Variants in CTDSPL2 observed in about 807,000 individuals in gnomAD.
CTDSPL2 encodes CTD small phosphatase-like protein 2.
Under a neutral mutation model 60.0 loss-of-function variants are expected in CTDSPL2, and 5 were observed. That is an observed-to-expected ratio of 0.08 (90% confidence interval 0.04 to 0.18). The LOEUF is 0.18. Among genes scored for constraint, CTDSPL2 ranks in the 10% least tolerant of loss-of-function variants. The pLI, the probability that CTDSPL2 is intolerant of heterozygous loss-of-function variation, is 1.00. For missense variants in CTDSPL2, 370 were observed against 548.8 expected (o/e 0.67, Z 3.26); for synonymous variants, 186 against 189.3 (o/e 0.98, Z 0.14).
At chr15:44,518,155 C>A (rs905226060) in intron 10 of CTDSPL2, among the ~76,000 whole-genome samples, 3 of 152,042 alleles carry the variant, frequency 2.0e-5, no homozygotes, top group Non-Finnish European at 4.4e-5. Flanking sequence ...CTTGAAATTG[C>A]ATAATTTAAA....
intron 1 of CTDSPL2, among the ~76,000 whole-genome samples, chr15:44,450,789 C>T (rs1481275938): frequency 6.6e-6 from 1 of 151,032 alleles, no homozygotes; most frequent in Non-Finnish European, 1.5e-5. Flanking sequence ...AGAGAAGGGG[C>T]GTTTCACCAT....
chr15:44,460,271 A>G (rs1370074999), intron 2 of CTDSPL2, among the ~76,000 whole-genome samples: 103 of 151,942 alleles, frequency 6.8e-4, no homozygotes, highest in Non-Finnish European at 1.9e-4. Context: ...CCACCACACC[A>G]GCTAATTTTT....
At chr15:44,469,684 T>C (rs1287957155) in intron 2 of CTDSPL2, among the ~76,000 whole-genome samples, 1 of 152,304 alleles carries the variant, frequency 6.6e-6, no homozygotes, top group African/African-American at 2.4e-5. Context: ...ATATGTGATA[T>C]TTCGGAGTTG....
At chr15:44,496,654 A>C (rs2081305464) in intron 6 of CTDSPL2, among the ~76,000 whole-genome samples, 196 bp downstream of exon 6, 1 of 152,124 alleles carries the variant, frequency 6.6e-6, no homozygotes, top group Non-Finnish European at 1.5e-5. Flanking sequence ...TTGAGCCTGG[A>C]GTTCAAGACC....
At chr15:44,472,579 A>C (rs1393410330) in intron 2 of CTDSPL2, among the ~76,000 whole-genome samples, 2 of 151,348 alleles carry the variant, frequency 1.3e-5, no homozygotes, top group Non-Finnish European at 2.9e-5. Context: ...GTTCATTGCA[A>C]CCTCTGCTTC....
intron 1 of CTDSPL2, among the ~76,000 whole-genome samples, chr15:44,445,256 C>T (rs1245297054): frequency 3.3e-5 from 5 of 152,004 alleles, no homozygotes; most frequent in African/African-American, 1.2e-4. Context: ...GACGCAGTCA[C>T]AGCTTACTGC....
At chr15:44,483,881 T>C (rs2081073999) in intron 2 of CTDSPL2, among the ~76,000 whole-genome samples, 1 of 152,188 alleles carries the variant, frequency 6.6e-6, no homozygotes, top group African/African-American at 2.4e-5. Context: ...GGAAATTATC[T>C]CTGTTCTTAA....
At chr15:44,481,599 G>A (rs1365969251) in intron 2 of CTDSPL2, among the ~76,000 whole-genome samples, 1 of 152,148 alleles carries the variant, frequency 6.6e-6, no homozygotes, top group African/African-American at 2.4e-5. Context: ...TTGAGATGGA[G>A]TTTCACTCTT....
intron 8 of CTDSPL2, among the ~76,000 whole-genome samples, chr15:44,501,045 T>C (rs2081374449): frequency 6.6e-6 from 1 of 152,164 alleles, no homozygotes; most frequent in South Asian, 2.1e-4. Flanking sequence ...TAAGACCTTT[T>C]TTATCAAATT....
intron 4 of CTDSPL2, among the ~76,000 whole-genome samples, chr15:44,489,138 T>TG (rs2081173853): frequency 1.4e-5 from 1 of 73,310 alleles, no homozygotes. Context: ...TCTTCCCCCC[T>TG]CCCCCCCACC....
At position 44,459,095 on chromosome 15, in the gene CTDSPL2, T is replaced by C. The variant is rs780349100; in HGVS notation, c.81T>C (p.Tyr27=). 6 of 1,613,086 alleles carry C rather than the reference T, an allele frequency of 3.7e-6. No individual in the cohort carries two copies. The highest frequency in any genetic ancestry group is 1.1e-5 in the South Asian group (1 of 91,016). The change falls in exon 2 of 13, where the codon TAT becomes TAC. Residue 27 remains tyrosine, a synonymous_variant. Coordinates refer to ENST00000260327, the MANE Select transcript of CTDSPL2 (RefSeq NM_016396.3). ...GCACTGCCAGAGCAAAGAGGAAATA[T>C]TCAGAGGTTGATGATAGCCTGCCTT... The part of the protein sequence containing the change: ...TQRTARAKRK[Y]SEVDDSLPSG...
intron 8 of CTDSPL2, among the ~76,000 whole-genome samples, chr15:44,513,019 C>T (rs1725303885): frequency 6.6e-6 from 1 of 150,514 alleles, no homozygotes; most frequent in African/African-American, 2.5e-5. Context: ...TTGCAGTGAG[C>T]CAAGATGACG....
chr15:44,492,704 G>T (rs954332986), intron 5 of CTDSPL2, among the ~76,000 whole-genome samples: 10 of 152,186 alleles, frequency 6.6e-5, no homozygotes, highest in Admixed American at 5.9e-4. Flanking sequence ...AAGTCATCAA[G>T]TGAAAGATTC....
chr15:44,501,768 A>G (rs2140836007), intron 8 of CTDSPL2, among the ~76,000 whole-genome samples: 1 of 152,272 alleles, frequency 6.6e-6, no homozygotes, highest in East Asian at 1.9e-4. Flanking sequence ...TCACAGACAG[A>G]GTTTAGTTAC....
chr15:44,467,583 A>AT (rs1031589027), intron 2 of CTDSPL2, among the ~76,000 whole-genome samples: 14 of 151,098 alleles, frequency 9.3e-5, no homozygotes, highest in East Asian at 3.9e-4. Context: ...TATTTATTTT[A>AT]TTTTTTTTGA....
At chr15:44,437,812 A>G (rs1440310677) in intron 1 of CTDSPL2, among the ~76,000 whole-genome samples, 4 of 152,256 alleles carry the variant, frequency 2.6e-5, no homozygotes, top group African/African-American at 9.6e-5. Context: ...CACAGGGTTT[A>G]CACAGGTTTG....
chr15:44,498,830 T>A (rs1595761724), intron 7 of CTDSPL2, among the ~76,000 whole-genome samples: 1 of 151,944 alleles, frequency 6.6e-6, no homozygotes, highest in East Asian at 1.9e-4. Context: ...TCCCGGGAAG[T>A]GGAGGTTGCA....
At chr15:44,443,825 A>G (rs961922667) in intron 1 of CTDSPL2, among the ~76,000 whole-genome samples, 6 of 152,180 alleles carry the variant, frequency 3.9e-5, no homozygotes, top group Admixed American at 1.3e-4. Flanking sequence ...TAAGAGACAC[A>G]TGATTTGCAA....
intron 8 of CTDSPL2, among the ~76,000 whole-genome samples, chr15:44,513,051 G>A (rs1313037055): frequency 1.4e-5 from 2 of 142,578 alleles, no homozygotes; most frequent in Admixed American, 7.0e-5. Context: ...CAGCCTGGGG[G>A]AAAGAGCAAG....
Sources: allele counts gnomAD v4.1 joint callset (sites outside exome capture counted in the v4.1 genomes callset), GRCh38; gene constraint gnomAD v4.1.1; transcripts MANE v1.5; gene names NCBI Gene and HGNC (gene_info 2026-07-23, HGNC 2026-07-21).